The following EXOC6B variants were observed in gnomAD, a reference collection of about 807,000 sequenced individuals.
The protein encoded by EXOC6B is exocyst complex component 6B.
A neutral mutation model predicts 113.5 loss-of-function variants in EXOC6B; 54 were observed. That is an observed-to-expected ratio of 0.48 (90% CI 0.38 to 0.60). The LOEUF is 0.60. Among genes scored for constraint, EXOC6B ranks in the 20% least tolerant of loss-of-function variants. The pLI, the probability that EXOC6B is intolerant of heterozygous loss-of-function variation, is 0.00. For missense variants in EXOC6B, 797 were observed against 977.5 expected (o/e 0.82, Z 2.46); for synonymous variants, 357 against 339.0 (o/e 1.05, Z -0.58).
chr2:72,708,432 T>C (rs921567979), intron 6 of EXOC6B, among the ~76,000 whole-genome samples: 4 of 152,222 alleles, frequency 2.6e-5, no homozygotes, highest in Non-Finnish European at 5.9e-5. Context: ...TTTTGACAAA[T>C]GCATACAGTT....
intron 6 of EXOC6B, among the ~76,000 whole-genome samples, chr2:72,589,159 T>C (rs1705772597): frequency 6.6e-6 from 1 of 152,020 alleles, no homozygotes; most frequent in African/African-American, 2.4e-5. Context: ...TTTGAGCCTC[T>C]TAAAATAGAT....
chr2:72,394,212 G>A (rs1025181491), intron 18 of EXOC6B, among the ~76,000 whole-genome samples: 2 of 152,066 alleles, frequency 1.3e-5, no homozygotes, highest in Admixed American at 6.6e-5. Context: ...TGCTTAAAAT[G>A]TAAGTATTTT....
chr2:72,341,727 C>T (rs567987961), intron 19 of EXOC6B, among the ~76,000 whole-genome samples: 10 of 152,162 alleles, frequency 6.6e-5, no homozygotes, highest in Non-Finnish European at 1.2e-4. Context: ...ACTTGAACAA[C>T]ACTATAAACC....
At chr2:72,384,429 C>T (rs1473304371) in intron 18 of EXOC6B, among the ~76,000 whole-genome samples, 1 of 151,868 alleles carries the variant, frequency 6.6e-6, no homozygotes, top group Non-Finnish European at 1.5e-5. Flanking sequence ...AAGTGAAAAG[C>T]TGAAATCTTT....
intron 6 of EXOC6B, among the ~76,000 whole-genome samples, chr2:72,670,404 T>G (rs539364861): frequency 1.4e-3 from 214 of 152,318 alleles, no homozygotes; most frequent in African/African-American, 4.9e-3. Flanking sequence ...CAGTATTAGG[T>G]TTGACAGAAT....
At chr2:72,689,106 T>C (rs897310496) in intron 6 of EXOC6B, among the ~76,000 whole-genome samples, 5 of 152,254 alleles carry the variant, frequency 3.3e-5, no homozygotes, top group African/African-American at 7.2e-5. Context: ...ACAATAATTA[T>C]GTCAATTCTC....
chr2:72,208,934 T>C (rs932409279), intron 20 of EXOC6B, among the ~76,000 whole-genome samples: 4 of 151,968 alleles, frequency 2.6e-5, no homozygotes, highest in Admixed American at 6.6e-5. Flanking sequence ...GTTTGAAATA[T>C]TTAATCTTGC....
At chr2:72,208,214 C>T (rs55877105) in intron 20 of EXOC6B, among the ~76,000 whole-genome samples, 62,249 of 151,574 alleles carry the variant, frequency 0.41, 15,984 homozygotes, top group African/African-American at 0.73. Flanking sequence ...CAATAGGTAG[C>T]TTTTCCACCC....
intron 16 of EXOC6B, among the ~76,000 whole-genome samples, chr2:72,490,714 T>G (rs1699695436): frequency 1.3e-5 from 2 of 152,122 alleles, no homozygotes; most frequent in Non-Finnish European, 2.9e-5. Context: ...GGTGCCAAAA[T>G]TACACGGTTC....
chr2:72,730,150 A>G (rs962901067), intron 5 of EXOC6B, among the ~76,000 whole-genome samples: 1 of 152,188 alleles, frequency 6.6e-6, no homozygotes, highest in Non-Finnish European at 1.5e-5. Context: ...CAACATACAG[A>G]AGAGAAATCC....
chr2:72,627,287 T>C (rs757323095), intron 6 of EXOC6B, among the ~76,000 whole-genome samples: 6 of 152,206 alleles, frequency 3.9e-5, no homozygotes, highest in Admixed American at 1.3e-4. Context: ...CCTTCTCTAG[T>C]TGAGTCTAAG....
chr2:72,226,677 AT>A (rs1681261033), intron 20 of EXOC6B, among the ~76,000 whole-genome samples: 2 of 152,192 alleles, frequency 1.3e-5, no homozygotes, highest in Admixed American at 1.3e-4. Flanking sequence ...AAAAGTGTGA[AT>A]TTAGGTTTTA....
At chr2:72,362,166 C>G (rs1202559477) in intron 19 of EXOC6B, among the ~76,000 whole-genome samples, 2 of 152,132 alleles carry the variant, frequency 1.3e-5, no homozygotes, top group African/African-American at 4.8e-5. Flanking sequence ...CTGAGAGAAT[C>G]TGATAAGATG....
At chr2:72,408,971 G>A (rs1331828820) in intron 18 of EXOC6B, among the ~76,000 whole-genome samples, 1 of 151,996 alleles carries the variant, frequency 6.6e-6, no homozygotes, top group Non-Finnish European at 1.5e-5. Context: ...TACTCATCTG[G>A]CAAAGGGCTA....
Position 72,662,567 on chromosome 2 carries a change from G to A in EXOC6B, c.669+55536C>T, listed in dbSNP as rs373002725. 2.0e-5 allele frequency among the ~76,000 whole-genome samples: 3 copies of A among 152,228 alleles called. No homozygotes were observed. The East Asian group carries it at 5.8e-4, about 29-fold the overall frequency. ...ATAAATACGATGAAAAGATGCTCAA[G>A]ATCCTTAGCCATTAAAGAAATGCAA... On this transcript the variant is annotated intron_variant, in intron 6 of 21. Coordinates refer to ENST00000272427, the MANE Select transcript of EXOC6B (RefSeq NM_015189.3).
At chr2:72,490,842 C>T (rs1432974019) in intron 16 of EXOC6B, among the ~76,000 whole-genome samples, 1 of 152,140 alleles carries the variant, frequency 6.6e-6, no homozygotes, top group Non-Finnish European at 1.5e-5. Flanking sequence ...ACCAATGGCT[C>T]AGCCAGAACT....
At chr2:72,646,526 GA>G (rs1673728138) in intron 6 of EXOC6B, among the ~76,000 whole-genome samples, 1 of 152,202 alleles carries the variant, frequency 6.6e-6, no homozygotes, top group South Asian at 2.1e-4. Context: ...CAATATCCCT[GA>G]TGAACATCGA....
At chr2:72,738,987 TGTAAA>T (rs1211726343) in intron 2 of EXOC6B, among the ~76,000 whole-genome samples, 1 of 152,250 alleles carries the variant, frequency 6.6e-6, no homozygotes, top group Non-Finnish European at 1.5e-5. Flanking sequence ...TTTATTTACA[TGTAAA>T]GTATGTGCAT....
In EXOC6B at chr2:72,813,040, T is replaced by C. The variant is rs533775830; in HGVS notation, c.113+12758A>G. On this transcript the variant is annotated intron_variant, in intron 1 of 21. Transcript: ENST00000272427. ...TAGAATAAAGGGGATCTCTGTATTA[T>C]TTCTTACAACTGCATATGAATTCTA... 7.9e-5 allele frequency among the ~76,000 whole-genome samples: 12 copies of C among 152,346 alleles called. No individual in the cohort carries two copies. The East Asian group carries it at 2.3e-3, about 29-fold the overall frequency.
Sources: gnomAD v4.1 joint callset for allele counts (sites outside exome capture counted in the v4.1 genomes callset) on GRCh38, gnomAD v4.1.1 for gene constraint, MANE v1.5 for transcripts, NCBI Gene and HGNC (gene_info 2026-07-23, HGNC 2026-07-21) for gene names.